Variants in KCNB2 observed in about 807,000 individuals in gnomAD.
KCNB2 encodes the protein potassium voltage-gated channel subfamily B member 2, also known as delayed rectifier potassium channel protein.
In KCNB2, 15 loss-of-function variants were observed where a neutral mutation model predicts 61.5. The ratio of observed to expected loss-of-function variants is 0.24; its 90% CI spans 0.16 to 0.38. KCNB2 has a LOEUF of 0.38. Among genes scored for constraint, KCNB2 ranks in the 10% least tolerant of loss-of-function variants. The probability of loss-of-function intolerance (pLI) is 1.00; values close to 1 mark genes in which losing one functional copy is unlikely to be tolerated. For synonymous variants in KCNB2, 457 were observed against 446.0 expected, an observed-to-expected ratio of 1.02 and a Z score of -0.31; for missense variants, 828 against 1,125.2, an observed-to-expected ratio of 0.74 and a Z score of 3.78.
intron 2 of KCNB2, among the ~76,000 whole-genome samples, chr8:72,929,707 C>T (rs762910191): frequency 3.3e-5 from 5 of 152,152 alleles, no homozygotes; most frequent in Non-Finnish European, 7.3e-5. Context: ...ATGACCTAAT[C>T]CAAATTTCCG....
At chr8:72,636,215 A>G (rs1805963514) in intron 2 of KCNB2, among the ~76,000 whole-genome samples, 2 of 152,164 alleles carry the variant, frequency 1.3e-5, no homozygotes, top group Non-Finnish European at 2.9e-5. Flanking sequence ...TGTAATACCT[A>G]TCTCCCATGG....
At chr8:72,755,613 C>T (rs1808275744) in intron 2 of KCNB2, among the ~76,000 whole-genome samples, 1 of 152,178 alleles carries the variant, frequency 6.6e-6, no homozygotes, top group South Asian at 2.1e-4. Context: ...AACACCTTTG[C>T]TCATTAGGGA....
At chr8:72,572,526 C>A (rs900139044) in intron 2 of KCNB2, among the ~76,000 whole-genome samples, 2 of 152,040 alleles carry the variant, frequency 1.3e-5, no homozygotes, top group South Asian at 4.2e-4. Flanking sequence ...CTCCCTTTCC[C>A]CCACTCCTCT....
intron 2 of KCNB2, among the ~76,000 whole-genome samples, chr8:72,883,246 C>T (rs1335954799): frequency 6.6e-6 from 1 of 152,162 alleles, no homozygotes; most frequent in Non-Finnish European, 1.5e-5. Context: ...GAAGATGAAA[C>T]AACTATGTGG....
chr8:72,754,048 T>C (rs1212675645), intron 2 of KCNB2, among the ~76,000 whole-genome samples: 1 of 152,092 alleles, frequency 6.6e-6, no homozygotes, highest in African/African-American at 2.4e-5. Context: ...AAAGACAGAT[T>C]GGCTCCTGGC....
chr8:72,888,056 A>T (rs1815157719), intron 2 of KCNB2, among the ~76,000 whole-genome samples: 1 of 152,190 alleles, frequency 6.6e-6, no homozygotes, highest in South Asian at 2.1e-4. Context: ...TTTGCACATA[A>T]TCATCTCTTG....
At chr8:72,583,757 T>TAAAA (rs1291574249) in intron 2 of KCNB2, among the ~76,000 whole-genome samples, 3 of 152,094 alleles carry the variant, frequency 2.0e-5, no homozygotes, top group Non-Finnish European at 4.4e-5. Flanking sequence ...CATTAAATGG[T>TAAAA]AAAACTATAT....
At chr8:72,725,541 G>A (rs1966737) in intron 2 of KCNB2, among the ~76,000 whole-genome samples, 11,451 of 73,800 alleles carry the variant, frequency 0.16, 1,354 homozygotes, top group Non-Finnish European at 0.2. Flanking sequence ...ATATATATAT[G>A]TGTGTATATA....
intron 1 of KCNB2, among the ~76,000 whole-genome samples, chr8:72,541,493 T>C (rs1806186602): frequency 6.6e-6 from 1 of 152,118 alleles, no homozygotes; most frequent in Admixed American, 6.5e-5. Flanking sequence ...TGGCTTCACT[T>C]AACCACTATG....
intron 2 of KCNB2, among the ~76,000 whole-genome samples, chr8:72,787,634 G>C (rs558447677): frequency 5.3e-5 from 8 of 152,140 alleles, no homozygotes; most frequent in African/African-American, 1.9e-4. Flanking sequence ...ATTACAACTG[G>C]AGATTGGAAA....
chr8:72,550,694 C>A (rs1806333494), intron 1 of KCNB2, among the ~76,000 whole-genome samples: 1 of 152,150 alleles, frequency 6.6e-6, no homozygotes, highest in South Asian at 2.1e-4. Context: ...TTTTTACACT[C>A]CCTGCTCCTA....
intron 2 of KCNB2, among the ~76,000 whole-genome samples, chr8:72,742,723 C>A (rs190806065): frequency 6.6e-6 from 1 of 152,312 alleles, no homozygotes; most frequent in East Asian, 1.9e-4. Flanking sequence ...TGGCTTTCTG[C>A]AGCATTCTTC....
At chr8:72,737,996 CCAAGAATTTCCAGACTATTTATAT>C (rs2128994200) in intron 2 of KCNB2, among the ~76,000 whole-genome samples, 1 of 152,202 alleles carries the variant, frequency 6.6e-6, no homozygotes, top group Non-Finnish European at 1.5e-5. Context: ...CATGTATAAT[CCAAGAATTTCCAGACTATTTATAT>C]CAAAAATATA....
chr8:72,607,806 A>G (rs987397782), intron 2 of KCNB2, among the ~76,000 whole-genome samples: 1 of 152,212 alleles, frequency 6.6e-6, no homozygotes, highest in African/African-American at 2.4e-5. Context: ...AAGTTTGAAT[A>G]ACAATATAAA....
At chr8:72,874,764 T>A (rs1201308782) in intron 2 of KCNB2, 1 of 152,254 alleles carries the variant, frequency 6.6e-6, no homozygotes, top group Non-Finnish European at 1.5e-5. Context: ...GGCCTAACTG[T>A]GACACCATCT....
intron 2 of KCNB2, among the ~76,000 whole-genome samples, chr8:72,793,322 T>C (rs1182399480): frequency 6.6e-6 from 1 of 152,158 alleles, no homozygotes; most frequent in Non-Finnish European, 1.5e-5. Context: ...GGGTAGTTAC[T>C]TGAGATTTAG....
intron 2 of KCNB2, chr8:72,661,032 A>G (rs763812864): frequency 6.6e-6 from 1 of 151,108 alleles, no homozygotes; most frequent in Non-Finnish European, 1.5e-5. Context: ...TTTCAAATAC[A>G]TTTTTTTTTC....
chr8:72,873,226 T>A (rs1805646601), intron 2 of KCNB2, among the ~76,000 whole-genome samples: 1 of 152,216 alleles, frequency 6.6e-6, no homozygotes, highest in Admixed American at 6.5e-5. Context: ...ACTGTAGTCA[T>A]TTCCTCTTGT....
intron 2 of KCNB2, among the ~76,000 whole-genome samples, chr8:72,656,422 A>G (rs1393652973): frequency 2.6e-5 from 4 of 152,170 alleles, no homozygotes; most frequent in African/African-American, 9.6e-5. Context: ...GGCTTATGCA[A>G]TGCTGAATTG....
Sources: allele counts gnomAD v4.1 joint callset (sites outside exome capture counted in the v4.1 genomes callset), GRCh38; gene constraint gnomAD v4.1.1; transcripts MANE v1.5; gene names NCBI Gene and HGNC (gene_info 2026-07-23, HGNC 2026-07-21).